CHLSN: variants seen among roughly 807,000 people sequenced by gnomAD.
The protein encoded by CHLSN is cholesin.
At chr7:1,122,871 C>T in the CHLSN span, among the ~76,000 whole-genome samples, 1 of 152,220 alleles carries the variant, frequency 6.6e-6, no homozygotes, top group East Asian at 1.9e-4. Context: ...ACCTCCTGCC[C>T]GCAGAGCTGA....
At chr7:983,996 G>A in the CHLSN span, among the ~76,000 whole-genome samples, 1 of 152,194 alleles carries the variant, frequency 6.6e-6, no homozygotes, top group Admixed American at 6.5e-5. Context: ...TGCGGGCTGG[G>A]GTGCTGCTGG....
At chr7:1,012,003 G>A in the CHLSN span, among the ~76,000 whole-genome samples, 47 of 152,184 alleles carry the variant, frequency 3.1e-4, no homozygotes, top group African/African-American at 8.9e-4. Flanking sequence ...GGAGCCTGGT[G>A]ACTGACCGGC....
the CHLSN span, among the ~76,000 whole-genome samples, chr7:1,044,208 T>C: frequency 1.3e-5 from 2 of 152,162 alleles, no homozygotes; most frequent in Non-Finnish European, 2.9e-5. Context: ...CGGTGGGGCC[T>C]GCACCCTGCA....
the CHLSN span, among the ~76,000 whole-genome samples, chr7:1,061,628 C>T: frequency 1.3e-5 from 2 of 152,192 alleles, no homozygotes; most frequent in Admixed American, 6.5e-5. Context: ...AGCCTCCTGC[C>T]GCCCCTGAGA....
At chr7:1,046,674 G>A in the CHLSN span, among the ~76,000 whole-genome samples, 9 of 152,154 alleles carry the variant, frequency 5.9e-5, no homozygotes, top group African/African-American at 2.2e-4. Context: ...GCCTCCGTGT[G>A]CAAACAAAAT....
At chr7:1,096,463 G>C in the CHLSN span, among the ~76,000 whole-genome samples, 1 of 152,348 alleles carries the variant, frequency 6.6e-6, no homozygotes, top group South Asian at 2.1e-4. The surrounding 1 kb of genome is among the most constrained non-coding windows in gnomAD (Gnocchi z 4.6). Flanking sequence ...CTGTAGGACA[G>C]AGACCAGCAG....
At chr7:1,022,153 A>G in the CHLSN span, among the ~76,000 whole-genome samples, 1 of 152,180 alleles carries the variant, frequency 6.6e-6, no homozygotes, top group Non-Finnish European at 1.5e-5. Flanking sequence ...ACTGTTCGTG[A>G]GCCACGGTGG....
chr7:1,114,176 G>A, the CHLSN span, among the ~76,000 whole-genome samples: 1 of 152,206 alleles, frequency 6.6e-6, no homozygotes, highest in Non-Finnish European at 1.5e-5. Context: ...GTGCAGGCCA[G>A]ACTGTGCGGC....
At chr7:1,036,523 T>G in the CHLSN span, among the ~76,000 whole-genome samples, 2,109 of 151,832 alleles carry the variant, frequency 0.014, 104 homozygotes, top group East Asian at 0.19. Context: ...GGTGTGGCCG[T>G]GTAGGGTCAT....
the CHLSN span, chr7:1,081,833 TA>T: frequency 1.8e-4 from 26 of 145,964 alleles, no homozygotes; most frequent in African/African-American, 6.4e-4. Context: ...CTGTCCACGA[TA>T]AAAGCCCAGT....
At chr7:998,159 G>C in the CHLSN span, among the ~76,000 whole-genome samples, 1 of 152,190 alleles carries the variant, frequency 6.6e-6, no homozygotes, top group Non-Finnish European at 1.5e-5. Context: ...GTACGCGCCG[G>C]CACTTGGCAC....
chr7:988,142 C>A, the CHLSN span: 1 of 1,092,236 alleles, frequency 9.2e-7, no homozygotes, highest in Non-Finnish European at 1.3e-6. Flanking sequence ...GGTTTGGGTG[C>A]CTCACCTGCA....
chr7:1,112,336 A>T, the CHLSN span, among the ~76,000 whole-genome samples: 1 of 152,216 alleles, frequency 6.6e-6, no homozygotes, highest in East Asian at 1.9e-4. Flanking sequence ...GAGATGAGAG[A>T]GGCCGGCCGG....
the CHLSN span, among the ~76,000 whole-genome samples, chr7:979,734 CA>C: frequency 5.9e-3 from 798 of 136,030 alleles, 5 homozygotes; most frequent in Middle Eastern, 0.022. Flanking sequence ...AACTCCGTCT[CA>C]AAAAAAAAAA....
the CHLSN span, among the ~76,000 whole-genome samples, chr7:1,015,770 C>T: frequency 0.014 from 2,117 of 152,282 alleles, 34 homozygotes; most frequent in Non-Finnish European, 0.022. Context: ...AAGGCAGGAG[C>T]GCATCCCAAC....
At chr7:1,010,114 G>T in the CHLSN span, 1 of 1,612,460 alleles carries the variant, frequency 6.2e-7, no homozygotes. Context: ...CTGGCTCTGC[G>T]TCCAGCCCGG....
the CHLSN span, among the ~76,000 whole-genome samples, chr7:1,016,698 C>CCAGCGCACAG: frequency 1.4e-5 from 1 of 69,900 alleles, no homozygotes; most frequent in African/African-American, 8.7e-5. Context: ...GCAGCGCATG[C>CCAGCGCACAG]CAGCACACGC....
At chr7:978,489 A>G in the CHLSN span, among the ~76,000 whole-genome samples, 1 of 152,204 alleles carries the variant, frequency 6.6e-6, no homozygotes, top group Non-Finnish European at 1.5e-5. Context: ...ACTGCACTGC[A>G]GCCTGGGCAA....
At chr7:1,112,713 A>G in the CHLSN span, among the ~76,000 whole-genome samples, 1 of 151,942 alleles carries the variant, frequency 6.6e-6, no homozygotes, top group Non-Finnish European at 1.5e-5. Context: ...GCTAAAAAAA[A>G]AAAAAAAAAA....
Sources: allele counts gnomAD v4.1 joint callset (sites outside exome capture counted in the v4.1 genomes callset), GRCh38; gene constraint gnomAD v4.1.1; non-coding constraint Gnocchi (gnomAD v3.1); transcripts MANE v1.5; gene names NCBI Gene and HGNC (gene_info 2026-07-23, HGNC 2026-07-21).